The following EFNA5 variants were observed in gnomAD, a reference collection of about 807,000 sequenced individuals.
The protein encoded by EFNA5 is ephrin A5.
EFNA5 carries 5 observed loss-of-function variants against 22.9 expected under a neutral mutation model. The ratio of observed to expected loss-of-function variants is 0.22; its 90% CI spans 0.11 to 0.46. The LOEUF is 0.46. Among genes scored for constraint, EFNA5 ranks in the 20% least tolerant of loss-of-function variants. The pLI is 0.99. For missense variants in EFNA5, 237 were observed against 293.3 expected (o/e 0.81, Z 1.40); for synonymous variants, 113 against 112.2 (o/e 1.01, Z -0.04).
intron 1 of EFNA5, among the ~76,000 whole-genome samples, chr5:107,496,366 A>AC (rs1167973126): frequency 5.3e-5 from 8 of 151,538 alleles, no homozygotes; most frequent in African/African-American, 1.9e-4. Flanking sequence ...AAAAAACAAA[A>AC]AACAACAACT....
intron 1 of EFNA5, among the ~76,000 whole-genome samples, chr5:107,569,108 G>A (rs1748720841): frequency 6.6e-6 from 1 of 151,910 alleles, no homozygotes; most frequent in Non-Finnish European, 1.5e-5. Context: ...ACCCCCAGAT[G>A]AGCATAAAGA....
intron 1 of EFNA5, among the ~76,000 whole-genome samples, chr5:107,514,006 G>A (rs927410931): frequency 3.3e-5 from 5 of 152,158 alleles, no homozygotes; most frequent in Admixed American, 6.5e-5. Flanking sequence ...CCAGGACCAC[G>A]GGGGTAGAAA....
At chr5:107,569,573 A>ATATATATT (rs1561435994) in intron 1 of EFNA5, among the ~76,000 whole-genome samples, 3 of 34,576 alleles carry the variant, frequency 8.7e-5, no homozygotes, top group Non-Finnish European at 2.5e-4. Context: ...ATATATATAT[A>ATATATATT]TATATATATA....
chr5:107,664,116 A>AGG (rs1751021997), intron 1 of EFNA5, among the ~76,000 whole-genome samples: 1 of 152,170 alleles, frequency 6.6e-6, no homozygotes, highest in South Asian at 2.1e-4. Flanking sequence ...CAGAAGCCTC[A>AGG]AAAACAAGAA....
chr5:107,415,190 T>TATAC (rs1748472175), intron 2 of EFNA5, among the ~76,000 whole-genome samples: 1 of 152,154 alleles, frequency 6.6e-6, no homozygotes, highest in Non-Finnish European at 1.5e-5. Flanking sequence ...TATATATATA[T>TATAC]ATACATATGG....
chr5:107,569,401 A>G (rs142721244), intron 1 of EFNA5, among the ~76,000 whole-genome samples: 3,225 of 130,106 alleles, frequency 0.025, 78 homozygotes, highest in African/African-American at 0.08. Context: ...ATATGTGTGT[A>G]TATATATATA....
At chr5:107,662,473 T>C (rs1750982900) in intron 1 of EFNA5, among the ~76,000 whole-genome samples, 1 of 152,216 alleles carries the variant, frequency 6.6e-6, no homozygotes, top group South Asian at 2.1e-4. Context: ...CAGTATAGTA[T>C]AAATTTTTAG....
intron 1 of EFNA5, among the ~76,000 whole-genome samples, chr5:107,493,785 C>T (rs1746880940): frequency 6.6e-6 from 1 of 152,176 alleles, no homozygotes; most frequent in African/African-American, 2.4e-5. Flanking sequence ...AGAGTATTAT[C>T]AGTGTGTATG....
At chr5:107,660,337 G>A (rs1289567414) in intron 1 of EFNA5, among the ~76,000 whole-genome samples, 1 of 127,358 alleles carries the variant, frequency 7.9e-6, no homozygotes, top group Non-Finnish European at 1.6e-5. Flanking sequence ...GGGAGGTTCT[G>A]TTCTTCAATT....
At chr5:107,617,602 G>C (rs762507864) in intron 1 of EFNA5, among the ~76,000 whole-genome samples, 5 of 152,172 alleles carry the variant, frequency 3.3e-5, no homozygotes, top group Non-Finnish European at 5.9e-5. Context: ...TGCGTATTGA[G>C]AGGCAAGTTT....
At chr5:107,446,553 G>C (rs1749401857) in intron 1 of EFNA5, among the ~76,000 whole-genome samples, 1 of 152,022 alleles carries the variant, frequency 6.6e-6, no homozygotes, top group South Asian at 2.1e-4. Flanking sequence ...ATCGAGACCA[G>C]ACCATCCTGG....
chr5:107,502,100 C>T (rs1050377324), intron 1 of EFNA5, among the ~76,000 whole-genome samples: 4 of 152,200 alleles, frequency 2.6e-5, no homozygotes, highest in African/African-American at 7.2e-5. Context: ...ATGAGGACTG[C>T]CCCTCTTCAC....
intron 1 of EFNA5, among the ~76,000 whole-genome samples, chr5:107,476,463 T>TA (rs1177951488): frequency 6.6e-6 from 1 of 152,174 alleles, no homozygotes; most frequent in Non-Finnish European, 1.5e-5. Context: ...GTTCAAGTGA[T>TA]AAACAAAATC....
At chr5:107,603,983 G>C (rs1254644026) in intron 1 of EFNA5, among the ~76,000 whole-genome samples, 1 of 152,170 alleles carries the variant, frequency 6.6e-6, no homozygotes, top group East Asian at 1.9e-4. Context: ...CAGTTCTTTA[G>C]CAAAACCATA....
chr5:107,530,260 G>A (rs1747781911), intron 1 of EFNA5, among the ~76,000 whole-genome samples: 1 of 152,222 alleles, frequency 6.6e-6, no homozygotes, highest in African/African-American at 2.4e-5. Context: ...AGTTGTACAT[G>A]GTCATGCCAG....
At chr5:107,651,491 A>G (rs1750728810) in intron 1 of EFNA5, among the ~76,000 whole-genome samples, 1 of 152,058 alleles carries the variant, frequency 6.6e-6, no homozygotes, top group Non-Finnish European at 1.5e-5. Flanking sequence ...TTTTGAAAAC[A>G]TGATTCAAAG....
At chr5:107,516,289 C>T (rs978184855) in intron 1 of EFNA5, among the ~76,000 whole-genome samples, 5 of 151,404 alleles carry the variant, frequency 3.3e-5, no homozygotes, top group Non-Finnish European at 7.4e-5. Context: ...CCTCTCGCCT[C>T]GGCCTCCCAA....
At chr5:107,496,336 CAAAAAAAAAAA>C (rs77916124) in intron 1 of EFNA5, among the ~76,000 whole-genome samples, 1 of 79,816 alleles carries the variant, frequency 1.3e-5, no homozygotes, top group South Asian at 5.4e-4. Context: ...AATTCCATCT[CAAAAAAAAAAA>C]AAAAAACAAA....
At position 107,410,876 on chromosome 5, in the gene EFNA5, T is replaced by C. The variant is rs140061946; in HGVS notation, c.418+16341A>G. ...CAGAAATGAGACTTAACCCAGTCTA[T>C]TGCATGTCTTATATTCTGTTGATGC... On this transcript the variant is annotated intron_variant, in intron 2 of 4. Transcript: ENST00000333274. Among the ~76,000 whole-genome samples, 1,435 of 152,294 alleles carry C rather than the reference T, an allele frequency of 9.4e-3. 11 individuals carry two copies. The highest frequency in any genetic ancestry group is 0.019 in the Admixed American group (289 of 15,298).
Sources: gnomAD v4.1 joint callset for allele counts (sites outside exome capture counted in the v4.1 genomes callset) on GRCh38, gnomAD v4.1.1 for gene constraint, MANE v1.5 for transcripts, NCBI Gene and HGNC (gene_info 2026-07-23, HGNC 2026-07-21) for gene names.